The following FAM168A variants were observed in gnomAD, a reference collection of about 807,000 sequenced individuals.
FAM168A encodes the protein family with sequence similarity 168 member A.
FAM168A carries 3 observed loss-of-function variants against 28.5 expected under a neutral mutation model. That is an observed-to-expected ratio of 0.11 (90% CI 0.05 to 0.27). The LOEUF is 0.27. Among genes scored for constraint, FAM168A ranks in the 10% least tolerant of loss-of-function variants. FAM168A has a pLI of 1.00. For missense variants in FAM168A, 222 were observed against 311.5 expected, an observed-to-expected ratio of 0.71 and a Z score of 2.16; for synonymous variants, 122 against 124.2, an observed-to-expected ratio of 0.98 and a Z score of 0.12.
intron 1 of FAM168A, among the ~76,000 whole-genome samples, chr11:73,563,049 T>C (rs1448731492): frequency 6.6e-6 from 1 of 152,182 alleles, no homozygotes; most frequent in African/African-American, 2.4e-5. Flanking sequence ...TATTATTATT[T>C]AATAGTGATG....
At chr11:73,464,856 T>G (rs1867709101) in intron 2 of FAM168A, among the ~76,000 whole-genome samples, 1 of 143,764 alleles carries the variant, frequency 7.0e-6, no homozygotes, top group African/African-American at 2.8e-5. Flanking sequence ...TTCCTAACCC[T>G]GTTTTATCAT....
chr11:73,440,967 TGACTGGG>T (rs1386013329), intron 2 of FAM168A, among the ~76,000 whole-genome samples: 10 of 151,914 alleles, frequency 6.6e-5, no homozygotes, highest in Admixed American at 3.3e-4. Flanking sequence ...ACCATACAGC[TGACTGGG>T]GAGAAACAGA....
intron 1 of FAM168A, among the ~76,000 whole-genome samples, chr11:73,484,873 G>C (rs572489648): frequency 6.6e-6 from 1 of 151,980 alleles, no homozygotes; most frequent in Admixed American, 6.6e-5. Context: ...GGAGTCCGAT[G>C]TTCAAGGACA....
At position 73,552,967 on chromosome 11, in the gene FAM168A, T is replaced by C. The variant is rs377554495; in HGVS notation, c.-19+44956A>G. Among the ~76,000 whole-genome samples the C allele has an allele frequency of 1.7e-4, 26 of 152,170 alleles. No individual in the cohort carries two copies. The East Asian group carries it at 3.9e-3, about 23-fold the overall frequency. Reference sequence around the variant, plus strand: ...GTGAGATTCTGTCTCAATCAATCAATCAATCAATCAATAAAGGATGCATGA... The same window carrying C: ...GTGAGATTCTGTCTCAATCAATCAACCAATCAATCAATAAAGGATGCATGA... On this transcript the variant is annotated intron_variant, in intron 1 of 7. Coordinates refer to ENST00000356467, the MANE Select transcript of FAM168A (RefSeq NM_015159.3).
chr11:73,584,275 C>T (rs915227697), intron 1 of FAM168A, among the ~76,000 whole-genome samples: 2 of 151,856 alleles, frequency 1.3e-5, no homozygotes, highest in South Asian at 2.1e-4. Flanking sequence ...TGGGCCCAAG[C>T]GATCCTCCCA....
intron 2 of FAM168A, among the ~76,000 whole-genome samples, chr11:73,440,792 G>A (rs1215943350): frequency 1.3e-5 from 2 of 152,118 alleles, no homozygotes; most frequent in African/African-American, 4.8e-5. Flanking sequence ...AGTTCTATAT[G>A]TCAGAAGATG....
chr11:73,550,332 C>T lies in FAM168A; in HGVS notation c.-19+47591G>A, dbSNP rs189013285. On this transcript the variant is annotated intron_variant, in intron 1 of 7. Coordinates refer to ENST00000356467, the MANE Select transcript of FAM168A (RefSeq NM_015159.3). Reference sequence around the variant, plus strand: ...GGTGGGGAAACCACAAAGGAAGCTACTCAGAGATAAATCCCAATTAAGTTT... The same window carrying T: ...GGTGGGGAAACCACAAAGGAAGCTATTCAGAGATAAATCCCAATTAAGTTT... Among the ~76,000 whole-genome samples, 409 of 152,284 alleles carry T rather than the reference C, an allele frequency of 2.7e-3. 3 individuals are homozygous for T. The highest frequency in any genetic ancestry group is 9.5e-3 in the African/African-American group (393 of 41,552).
At chr11:73,555,021 G>A (rs1943874051) in intron 1 of FAM168A, among the ~76,000 whole-genome samples, 1 of 152,184 alleles carries the variant, frequency 6.6e-6, no homozygotes, top group African/African-American at 2.4e-5. Context: ...AGAAGGTCAA[G>A]GTAGCCTTTG....
chr11:73,530,050 G>A (rs1056407962), intron 1 of FAM168A, among the ~76,000 whole-genome samples: 1 of 151,984 alleles, frequency 6.6e-6, no homozygotes, highest in Non-Finnish European at 1.5e-5. Flanking sequence ...GCCTCCCAAA[G>A]TGCCAGGATT....
At chr11:73,586,279 A>G (rs1321551681) in intron 1 of FAM168A, among the ~76,000 whole-genome samples, 1 of 152,144 alleles carries the variant, frequency 6.6e-6, no homozygotes, top group Non-Finnish European at 1.5e-5. Flanking sequence ...TCTTACACAT[A>G]AAATAATTAT....
chr11:73,549,802 G>A (rs1943804589), intron 1 of FAM168A, among the ~76,000 whole-genome samples: 1 of 152,192 alleles, frequency 6.6e-6, no homozygotes, highest in Non-Finnish European at 1.5e-5. Context: ...GTGGAAAGAG[G>A]CAGGAATCAC....
At chr11:73,469,774 TA>T (rs1867787586) in intron 1 of FAM168A, among the ~76,000 whole-genome samples, 1 of 151,810 alleles carries the variant, frequency 6.6e-6, no homozygotes, top group South Asian at 2.2e-4. Context: ...CAGTTAAACT[TA>T]AGGGAAAAAA....
intron 1 of FAM168A, among the ~76,000 whole-genome samples, chr11:73,484,748 A>C (rs569870089): frequency 6.7e-6 from 1 of 148,918 alleles, no homozygotes; most frequent in South Asian, 2.1e-4. Flanking sequence ...ATAGATATAT[A>C]GATATATAGG....
intron 1 of FAM168A, among the ~76,000 whole-genome samples, chr11:73,548,371 G>A (rs894593104): frequency 6.6e-6 from 1 of 151,992 alleles, no homozygotes; most frequent in East Asian, 1.9e-4. Context: ...ACATTATTTC[G>A]CCCAACTGTG....
At chr11:73,565,856 G>A (rs1345315921) in intron 1 of FAM168A, among the ~76,000 whole-genome samples, 4 of 152,112 alleles carry the variant, frequency 2.6e-5, no homozygotes, top group Admixed American at 6.5e-5. Context: ...AGGCTCTTGC[G>A]GCATCCAATT....
intron 1 of FAM168A, among the ~76,000 whole-genome samples, chr11:73,477,145 A>G (rs149532529): frequency 1.3e-5 from 2 of 152,298 alleles, no homozygotes; most frequent in East Asian, 1.9e-4. Flanking sequence ...ATTCTCACTT[A>G]TAAGTGGGAG....
At chr11:73,563,004 C>A (rs770530813) in intron 1 of FAM168A, among the ~76,000 whole-genome samples, 5 of 152,056 alleles carry the variant, frequency 3.3e-5, no homozygotes, top group Non-Finnish European at 7.4e-5. Flanking sequence ...ATCCTCGTGA[C>A]CAGTATTTCT....
chr11:73,515,508 CAAAA>C (rs61655633), intron 1 of FAM168A, among the ~76,000 whole-genome samples: 1 of 66,518 alleles, frequency 1.5e-5, no homozygotes, highest in Non-Finnish European at 3.8e-5. Flanking sequence ...AACTCTGTCT[CAAAA>C]AAAAAAAAAA....
chr11:73,506,182 T>C (rs1855111993), intron 1 of FAM168A, among the ~76,000 whole-genome samples: 1 of 152,132 alleles, frequency 6.6e-6, no homozygotes. Context: ...AGGTAAATTA[T>C]ACATCAGAAA....
Sources: gnomAD v4.1 joint callset for allele counts (sites outside exome capture counted in the v4.1 genomes callset) on GRCh38, gnomAD v4.1.1 for gene constraint, MANE v1.5 for transcripts, NCBI Gene and HGNC (gene_info 2026-07-23, HGNC 2026-07-21) for gene names.